SGMS1: variants seen among roughly 807,000 people sequenced by gnomAD.
The protein encoded by SGMS1 is phosphatidylcholine:ceramide cholinephosphotransferase 1.
Under a neutral mutation model 46.2 loss-of-function variants are expected in SGMS1, and 13 were observed. The ratio of observed to expected loss-of-function variants is 0.28; its 90% CI spans 0.18 to 0.45. SGMS1 has a LOEUF of 0.45. SGMS1 is among the 20% of genes least tolerant of loss of function. The pLI is 1.00. For missense variants in SGMS1, 324 were observed against 519.9 expected (o/e 0.62, Z 3.66); for synonymous variants, 203 against 187.8 (o/e 1.08, Z -0.66).
At chr10:50,404,295 G>T (rs1399154948) in intron 6 of SGMS1, among the ~76,000 whole-genome samples, 1 of 150,900 alleles carries the variant, frequency 6.6e-6, no homozygotes, top group Non-Finnish European at 1.5e-5. Flanking sequence ...ACATAATCTT[G>T]TTTTGTTTTG....
chr10:50,359,907 A>G (rs1329162346), intron 6 of SGMS1, among the ~76,000 whole-genome samples: 1 of 152,184 alleles, frequency 6.6e-6, no homozygotes, highest in African/African-American at 2.4e-5. Flanking sequence ...TTAACTTCTT[A>G]ACCCTTACCT....
intron 2 of SGMS1, among the ~76,000 whole-genome samples, chr10:50,550,667 A>G (rs909315220): frequency 6.6e-5 from 10 of 151,968 alleles, no homozygotes; most frequent in Non-Finnish European, 1.5e-5. Flanking sequence ...TGCTTCTCTG[A>G]CCCCTCCTCG....
At position 50,453,965 on chromosome 10, in the gene SGMS1, A is replaced by G. The variant is rs373440238; in HGVS notation, c.-313+6708T>C. Among the ~76,000 whole-genome samples, 137 of 151,768 alleles carry G rather than the reference A, an allele frequency of 9.0e-4. 1 individual carries two copies. Among genetic ancestry groups the G allele is most frequent in the African/African-American group, 3.2e-3 (134 of 41,402 alleles). Reference sequence around the variant, plus strand: ...GATATAAACAAATCACAGACTCCTAAAAACAAAGCAAAATCTTTAAAGCAG... The same window carrying G: ...GATATAAACAAATCACAGACTCCTAGAAACAAAGCAAAATCTTTAAAGCAG... On this transcript the variant is annotated intron_variant, in intron 5 of 10. Coordinates refer to ENST00000361781, the MANE Select transcript of SGMS1 (RefSeq NM_147156.4).
At chr10:50,624,714 A>T (rs1838902906), upstream of SGMS1, 1 of 985,248 alleles carries the variant, frequency 1.0e-6, no homozygotes, top group Admixed American at 6.1e-5. Flanking sequence ...GCCTGAAGGA[A>T]GGTTTTCCTC....
chr10:50,624,255 G>A (rs887706626), upstream of SGMS1: 24 of 421,922 alleles, frequency 5.7e-5, no homozygotes, highest in Non-Finnish European at 7.0e-5. Flanking sequence ...TAAATCCCTT[G>A]GGGCAGGGCC....
chr10:50,367,550 G>A (rs892301930), intron 6 of SGMS1, among the ~76,000 whole-genome samples: 2 of 152,186 alleles, frequency 1.3e-5, no homozygotes, highest in African/African-American at 4.8e-5. Context: ...TGGTCTCCTG[G>A]AGGTAAAAAA....
chr10:50,376,912 C>G (rs1848530462), intron 6 of SGMS1, among the ~76,000 whole-genome samples: 2 of 152,088 alleles, frequency 1.3e-5, no homozygotes, highest in Admixed American at 6.6e-5. Flanking sequence ...GGCAGCTCTA[C>G]AGAAACAATT....
upstream of SGMS1, chr10:50,624,973 C>T (rs1159980273): frequency 1.9e-6 from 2 of 1,039,348 alleles, no homozygotes; most frequent in Non-Finnish European, 2.3e-6. Flanking sequence ...GCCATCGGGC[C>T]GCGGGCGCTC....
intron 2 of SGMS1, among the ~76,000 whole-genome samples, chr10:50,528,724 C>A (rs932503163): frequency 3.3e-5 from 5 of 152,094 alleles, no homozygotes; most frequent in Admixed American, 2.6e-4. Context: ...AATAGGGAGA[C>A]CTCTGTTTCT....
intron 7 of SGMS1, among the ~76,000 whole-genome samples, chr10:50,332,108 ATC>A (rs1222793908): frequency 6.6e-6 from 1 of 152,186 alleles, no homozygotes; most frequent in African/African-American, 2.4e-5. Flanking sequence ...TTTTAATAAA[ATC>A]CAAATCTTTT....
chr10:50,518,940 C>G (rs1256641433), intron 3 of SGMS1, among the ~76,000 whole-genome samples: 1 of 151,984 alleles, frequency 6.6e-6, no homozygotes, highest in Admixed American at 6.5e-5. Context: ...TATTTTAAAC[C>G]CACTAGCGGG....
intron 1 of SGMS1, among the ~76,000 whole-genome samples, chr10:50,600,371 A>AAATG (rs1422861545): frequency 1.3e-5 from 2 of 152,218 alleles, no homozygotes; most frequent in Non-Finnish European, 2.9e-5. Context: ...TGCATCTACA[A>AAATG]AATGGGGACA....
At chr10:50,500,715 G>A (rs556547641) in intron 3 of SGMS1, among the ~76,000 whole-genome samples, 1 of 152,234 alleles carries the variant, frequency 6.6e-6, no homozygotes, top group Non-Finnish European at 1.5e-5. Context: ...CCTTAATTAT[G>A]TTACTGGCTT....
At chr10:50,339,860 G>A (rs1021670434) in intron 7 of SGMS1, among the ~76,000 whole-genome samples, 2 of 152,214 alleles carry the variant, frequency 1.3e-5, no homozygotes, top group African/African-American at 4.8e-5. Context: ...GTGGAGTGGA[G>A]TAGCTAGAGA....
intron 3 of SGMS1, chr10:50,472,882 G>A (rs1205839205): frequency 1.3e-5 from 2 of 152,036 alleles, no homozygotes; most frequent in Admixed American, 1.3e-4. Context: ...TCATTGCTAG[G>A]TATTTGCTCC....
intron 6 of SGMS1, among the ~76,000 whole-genome samples, chr10:50,415,255 C>T (rs559610361): frequency 3.3e-5 from 5 of 152,320 alleles, no homozygotes; most frequent in African/African-American, 7.2e-5. Flanking sequence ...AGCAAACATA[C>T]GCTACATACT....
At chr10:50,622,601 A>G (rs1468263053) in intron 1 of SGMS1, among the ~76,000 whole-genome samples, 1 of 152,222 alleles carries the variant, frequency 6.6e-6, no homozygotes, top group Non-Finnish European at 1.5e-5. Context: ...TAGAAAATAA[A>G]CTTCCCTTTC....
intron 2 of SGMS1, among the ~76,000 whole-genome samples, chr10:50,587,463 T>C (rs898889103): frequency 6.6e-6 from 1 of 152,136 alleles, no homozygotes; most frequent in African/African-American, 2.4e-5. Flanking sequence ...TGAAACCGTG[T>C]CTCTACTAAA....
chr10:50,322,504 T>C lies in SGMS1; in HGVS notation c.741+4701A>G, dbSNP rs527321260. 7.2e-5 allele frequency among the ~76,000 whole-genome samples: 11 copies of C among 152,278 alleles called. No homozygotes were observed. The East Asian group carries it at 1.9e-3, about 27-fold the overall frequency. On this transcript the variant is annotated intron_variant, in intron 8 of 10. Transcript: ENST00000361781. ...GAATTCTCAAATATTCTGCCCCTTT[T>C]CTAAAGAAACCAGTATCATAAACAG...
Sources: gnomAD v4.1 joint callset for allele counts (sites outside exome capture counted in the v4.1 genomes callset) on GRCh38, gnomAD v4.1.1 for gene constraint, MANE v1.5 for transcripts, NCBI Gene and HGNC (gene_info 2026-07-23, HGNC 2026-07-21) for gene names.